Variants in FBXW11 observed in about 807,000 individuals in gnomAD.
FBXW11 encodes the protein F-box/WD repeat-containing protein 11.
A neutral mutation model predicts 77.6 loss-of-function variants in FBXW11; 19 were observed. That is an observed-to-expected ratio of 0.24 (90% CI 0.17 to 0.36). The LOEUF (loss-of-function observed/expected upper bound fraction) is 0.36, where lower values mean the gene tolerates loss of function less well. FBXW11 is among the 10% of genes least tolerant of loss of function. FBXW11 has a pLI of 1.00. For synonymous variants in FBXW11, 235 were observed against 249.4 expected, an observed-to-expected ratio of 0.94 and a Z score of 0.54; for missense variants, 334 against 704.2, an observed-to-expected ratio of 0.47 and a Z score of 5.95.
intron 2 of FBXW11, among the ~76,000 whole-genome samples, chr5:171,944,227 T>C (rs1762886043): frequency 6.6e-6 from 1 of 151,912 alleles, no homozygotes; most frequent in African/African-American, 2.4e-5. Flanking sequence ...TTTATATGCA[T>C]ATAATAAATT....
At chr5:171,885,135 C>T (rs1758789711) in intron 7 of FBXW11, among the ~76,000 whole-genome samples, 1 of 152,192 alleles carries the variant, frequency 6.6e-6, no homozygotes, top group Non-Finnish European at 1.5e-5. Flanking sequence ...AATCTCAGCA[C>T]TTTAGGCTCT....
Position 171,868,764 on chromosome 5 carries a change from A to G in FBXW11, c.1563T>C (p.Phe521=). 1 of 1,613,866 alleles carries G rather than the reference A, an allele frequency of 6.2e-7. No homozygotes were observed. ...EHSGRVFRLQ[F]DEFQIISSSH... ...AGCTGCTGATGATCTGAAACTCATC[A>G]AACTGGAGCCGAAACACACGTCCAG... The change falls in exon 13 of 14, where the codon TTT becomes TTC. Residue 521 remains phenylalanine, a synonymous_variant. Transcript: ENST00000517395.
At chr5:171,916,564 T>C (rs1310963151) in intron 2 of FBXW11, 2 of 586,648 alleles carry the variant, frequency 3.4e-6, no homozygotes, top group East Asian at 1.4e-4. Context: ...AAAGGTAGTA[T>C]TTATGGAGGT....
At chr5:171,958,106 C>T (rs1345562769) in intron 1 of FBXW11, among the ~76,000 whole-genome samples, 1 of 152,152 alleles carries the variant, frequency 6.6e-6, no homozygotes, top group Non-Finnish European at 1.5e-5. Flanking sequence ...ACCTACAAAA[C>T]CACAAAAAGT....
chr5:171,927,012 A>C (rs910956648), intron 2 of FBXW11, among the ~76,000 whole-genome samples: 1 of 152,202 alleles, frequency 6.6e-6, no homozygotes, highest in Non-Finnish European at 1.5e-5. Context: ...ATGCATACAA[A>C]GAAATACAAA....
At chr5:171,975,919 T>A (rs1238574034) in intron 1 of FBXW11, among the ~76,000 whole-genome samples, 1 of 152,156 alleles carries the variant, frequency 6.6e-6, no homozygotes, top group East Asian at 1.9e-4. Context: ...TCAGAAAGTT[T>A]GGGAAATGTT....
In FBXW11 at chr5:171,878,113, C is replaced by G; in HGVS notation, c.869G>C (p.Ser290Thr). ...TGTTAACACTTTCAAACATTCCAGGCTGGTTTTATCCCATATCTATTGAGA... is the reference window on the plus strand; with the variant it reads ...TGTTAACACTTTCAAACATTCCAGGGTGGTTTTATCCCATATCTATTGAGA... Reference protein sequence around the residue: ...DNSIKIWDKTSLECLKVLTGH... With the variant: ...DNSIKIWDKTTLECLKVLTGH... The change falls in exon 8 of 14, where the codon AGC becomes ACC. Residue 290 changes from serine (S) to threonine (T), a missense_variant. Physicochemically the swap from Ser to Thr is moderately conservative, Grantham distance 58. Around this residue, in one of 10 missense-constraint regions of FBXW11, gnomAD observed 70 missense variants for 136.6 expected, o/e 0.51. Transcript: ENST00000517395. 1.9e-6 allele frequency: 3 copies of G among 1,613,562 alleles called. No homozygotes were observed. Among genetic ancestry groups the G allele is most frequent in the Non-Finnish European group, 2.5e-6 (3 of 1,179,632 alleles).
At chr5:171,975,851 T>C (rs1442318773) in intron 1 of FBXW11, among the ~76,000 whole-genome samples, 2 of 152,150 alleles carry the variant, frequency 1.3e-5, no homozygotes, top group African/African-American at 4.8e-5. Flanking sequence ...TTTCCAAAAG[T>C]GTGTCTCTTG....
intron 1 of FBXW11, among the ~76,000 whole-genome samples, chr5:171,983,510 C>T (rs1047255819): frequency 6.6e-6 from 1 of 152,120 alleles, no homozygotes; most frequent in East Asian, 1.9e-4. Flanking sequence ...GGGGCAATCT[C>T]GGGGACCAAG....
intron 2 of FBXW11, among the ~76,000 whole-genome samples, chr5:171,946,938 C>T (rs1425121110): frequency 6.6e-6 from 1 of 150,742 alleles, no homozygotes; most frequent in African/African-American, 2.4e-5. Context: ...CCTCAGCCTC[C>T]CAAGTAGATG....
At chr5:171,967,524 C>T (rs961094198) in intron 1 of FBXW11, among the ~76,000 whole-genome samples, 4 of 152,082 alleles carry the variant, frequency 2.6e-5, no homozygotes, top group African/African-American at 9.7e-5. Context: ...ACATTATGAT[C>T]CCATGTTCAT....
At chr5:171,884,507 T>TTG (rs1758746618) in intron 7 of FBXW11, among the ~76,000 whole-genome samples, 1 of 152,246 alleles carries the variant, frequency 6.6e-6, no homozygotes, top group South Asian at 2.1e-4. Context: ...TTGCTTAGTC[T>TTG]TGCTTTGGCT....
At chr5:171,987,315 T>C (rs746120144) in intron 1 of FBXW11, among the ~76,000 whole-genome samples, 1 of 152,200 alleles carries the variant, frequency 6.6e-6, no homozygotes, top group African/African-American at 2.4e-5. Context: ...GTCTCCCAGA[T>C]AGACAACAAA....
chr5:171,946,623 AC>A (rs1763023040), intron 2 of FBXW11, among the ~76,000 whole-genome samples: 1 of 151,592 alleles, frequency 6.6e-6, no homozygotes. Context: ...TGTTCCCTCT[AC>A]CTGGGATTCT....
At chr5:171,882,565 A>G (rs1758590916) in intron 7 of FBXW11, among the ~76,000 whole-genome samples, 1 of 152,166 alleles carries the variant, frequency 6.6e-6, no homozygotes, top group South Asian at 2.1e-4. Flanking sequence ...TCAGCCTCCC[A>G]AAGTGTAGGG....
At chr5:171,938,618 A>G (rs1199840488) in intron 2 of FBXW11, among the ~76,000 whole-genome samples, 2 of 152,196 alleles carry the variant, frequency 1.3e-5, no homozygotes, top group African/African-American at 4.8e-5. Flanking sequence ...CTAATTGTGC[A>G]TTTACTTTTT....
At chr5:171,874,776 A>T (rs986409507) in intron 9 of FBXW11, among the ~76,000 whole-genome samples, 3 of 149,568 alleles carry the variant, frequency 2.0e-5, no homozygotes, top group Non-Finnish European at 4.4e-5. Context: ...AAAAAAAAAA[A>T]AGGGCCGGGC....
intron 2 of FBXW11, among the ~76,000 whole-genome samples, chr5:171,948,705 T>C (rs1763150163): frequency 6.6e-6 from 1 of 152,234 alleles, no homozygotes; most frequent in Admixed American, 6.5e-5. Context: ...AATAAATGTC[T>C]ATAGTATCAG....
intron 1 of FBXW11, among the ~76,000 whole-genome samples, chr5:171,965,519 C>CT (rs1439314055): frequency 6.8e-6 from 1 of 146,110 alleles, no homozygotes; most frequent in Non-Finnish European, 1.5e-5. Flanking sequence ...GAGTGAGACT[C>CT]TTGTCTTTAA....
Sources: gnomAD v4.1 joint callset for allele counts (sites outside exome capture counted in the v4.1 genomes callset) on GRCh38, gnomAD v4.1.1 for gene constraint, gnomAD v4.1.1 regional missense constraint, MANE v1.5 for transcripts, NCBI Gene and HGNC (gene_info 2026-07-23, HGNC 2026-07-21) for gene names.